The following CNBD1 variants were observed in gnomAD, a reference collection of about 807,000 sequenced individuals.
CNBD1 encodes cyclic nucleotide-binding domain-containing protein 1.
Under a neutral mutation model 54.4 loss-of-function variants are expected in CNBD1, and 71 were observed. The ratio of observed to expected loss-of-function variants is 1.30; its 90% CI spans 1.08 to 1.59. CNBD1 has a LOEUF of 1.59. CNBD1 is among the 40% of genes most tolerant of loss of function. The pLI is 0.00. For missense variants in CNBD1, 659 were observed against 518.0 expected (o/e 1.27, Z -2.64); for synonymous variants, 182 against 170.7 (o/e 1.07, Z -0.51).
chr8:87,200,907 A>C (rs1305467855), intron 4 of CNBD1, among the ~76,000 whole-genome samples: 1 of 152,188 alleles, frequency 6.6e-6, no homozygotes, highest in Non-Finnish European at 1.5e-5. Flanking sequence ...CGTTCTATGA[A>C]GCTAGCCTGA....
At chr8:87,181,712 C>T (rs1345963936) in intron 4 of CNBD1, among the ~76,000 whole-genome samples, 1 of 152,032 alleles carries the variant, frequency 6.6e-6, no homozygotes, top group East Asian at 1.9e-4. Context: ...TCCTTGATTT[C>T]TACTCTGATA....
At chr8:87,001,350 C>A (rs1808988691) in intron 4 of CNBD1, among the ~76,000 whole-genome samples, 1 of 151,876 alleles carries the variant, frequency 6.6e-6, no homozygotes, top group Non-Finnish European at 1.5e-5. Context: ...TATTTTCTTC[C>A]TGGTTGAATT....
chr8:86,989,304 A>AATACATACATACATACATACATAC (rs60755421), intron 4 of CNBD1, among the ~76,000 whole-genome samples: 13 of 149,260 alleles, frequency 8.7e-5, no homozygotes, highest in Non-Finnish European at 1.8e-4. Flanking sequence ...AAAACAAATA[A>AATACATACATACATACATACATAC]ATACATACAT....
chr8:87,211,953 A>C (rs921865531), intron 5 of CNBD1, among the ~76,000 whole-genome samples: 2 of 152,196 alleles, frequency 1.3e-5, no homozygotes, highest in African/African-American at 4.8e-5. Flanking sequence ...AAATAAATTA[A>C]TGTATTAAAT....
At chr8:87,249,727 G>T (rs1807875900) in intron 6 of CNBD1, among the ~76,000 whole-genome samples, 1 of 152,170 alleles carries the variant, frequency 6.6e-6, no homozygotes, top group African/African-American at 2.4e-5. Flanking sequence ...GGAGTGAAGT[G>T]CTATTGAGCA....
chr8:87,380,021 G>C (rs887721481), intron 10 of CNBD1, among the ~76,000 whole-genome samples: 1 of 151,708 alleles, frequency 6.6e-6, no homozygotes, highest in African/African-American at 2.4e-5. Flanking sequence ...TGCCACTTGG[G>C]AGGTTTTAGA....
chr8:87,105,436 C>T (rs186739996), intron 4 of CNBD1, among the ~76,000 whole-genome samples: 1 of 152,136 alleles, frequency 6.6e-6, no homozygotes, highest in Non-Finnish European at 1.5e-5. Context: ...GGTAGGAATG[C>T]TATAAATATG....
intron 4 of CNBD1, among the ~76,000 whole-genome samples, chr8:87,043,356 G>C (rs923289142): frequency 6.6e-6 from 1 of 152,128 alleles, no homozygotes; most frequent in African/African-American, 2.4e-5. Context: ...CTGATATAAT[G>C]AGAGAGATTA....
intron 8 of CNBD1, among the ~76,000 whole-genome samples, chr8:87,300,847 CAAAT>C (rs1310627947): frequency 2.6e-5 from 4 of 151,918 alleles, no homozygotes; most frequent in South Asian, 2.1e-4. Flanking sequence ...AGAGGGACAA[CAAAT>C]AAAATCTTTT....
At chr8:87,211,348 A>G (rs2130801552) in intron 5 of CNBD1, among the ~76,000 whole-genome samples, 1 of 152,310 alleles carries the variant, frequency 6.6e-6, no homozygotes, top group South Asian at 2.1e-4. Context: ...TGATGGAGCA[A>G]GTTAAGACTT....
At chr8:87,268,324 G>A (rs1426559070) in intron 6 of CNBD1, among the ~76,000 whole-genome samples, 1 of 152,070 alleles carries the variant, frequency 6.6e-6, no homozygotes, top group Non-Finnish European at 1.5e-5. Flanking sequence ...TGGTGTATAT[G>A]TACCACATTT....
At chr8:86,993,668 A>T (rs1185876820) in intron 4 of CNBD1, among the ~76,000 whole-genome samples, 1 of 152,006 alleles carries the variant, frequency 6.6e-6, no homozygotes, top group African/African-American at 2.4e-5. Context: ...TCTGTATGGG[A>T]TCTTTATTTG....
chr8:87,425,310 T>A (rs1467026040), intron 2 of CNBD1, among the ~76,000 whole-genome samples: 1 of 152,248 alleles, frequency 6.6e-6, no homozygotes. Flanking sequence ...TGAAGCCTTC[T>A]TCTGTCAGCT....
chr8:86,916,600 A>G (rs922911310), intron 3 of CNBD1, among the ~76,000 whole-genome samples: 3 of 152,028 alleles, frequency 2.0e-5, no homozygotes, highest in East Asian at 1.9e-4. Flanking sequence ...ACTTCACCCA[A>G]TTCCTGGGAT....
intron 4 of CNBD1, among the ~76,000 whole-genome samples, chr8:87,073,945 C>T (rs893905540): frequency 6.6e-6 from 1 of 151,896 alleles, no homozygotes; most frequent in South Asian, 2.1e-4. Context: ...ACTAAAAACA[C>T]AAAAAAATTA....
intron 10 of CNBD1, among the ~76,000 whole-genome samples, chr8:87,375,506 A>G (rs565385734): frequency 1.3e-5 from 2 of 151,940 alleles, no homozygotes; most frequent in Admixed American, 1.3e-4. Context: ...GTTTACAATA[A>G]CCATCTTTTC....
In CNBD1 at chr8:87,010,632, C is replaced by G. The variant is rs1370703687; in HGVS notation, c.431+70878C>G. ...TGATGGTACATGCCTGTAATCCCAG[C>G]TAGTTAGGAGGCTGAGGCAGGAGAA... On this transcript the variant is annotated intron_variant, in intron 4 of 10. Transcript: ENST00000518476. 3.9e-5 allele frequency among the ~76,000 whole-genome samples: 6 copies of G among 152,158 alleles called. No homozygotes were observed. The East Asian group carries it at 1.2e-3, about 30-fold the overall frequency.
At chr8:87,419,562 A>C (rs994931322) in intron 2 of CNBD1, among the ~76,000 whole-genome samples, 1 of 151,964 alleles carries the variant, frequency 6.6e-6, no homozygotes, top group Admixed American at 6.6e-5. Flanking sequence ...CAAAAGATAT[A>C]GTCATTCAGA....
chr8:87,070,055 A>T (rs1306072607), intron 4 of CNBD1, among the ~76,000 whole-genome samples: 3 of 152,082 alleles, frequency 2.0e-5, no homozygotes, highest in Admixed American at 6.6e-5. Context: ...AGAGAGTGTC[A>T]GATAGCTGGA....
Sources: gnomAD v4.1 joint callset for allele counts (sites outside exome capture counted in the v4.1 genomes callset) on GRCh38, gnomAD v4.1.1 for gene constraint, MANE v1.5 for transcripts, NCBI Gene and HGNC (gene_info 2026-07-23, HGNC 2026-07-21) for gene names.